The following RYR2 variants were observed in gnomAD, a reference collection of about 807,000 sequenced individuals.
RYR2 encodes ryanodine receptor 2.
In RYR2, 227 loss-of-function variants were observed where a neutral mutation model predicts 601.1. The observed-to-expected ratio is 0.38, with a 90% CI of 0.34 to 0.42. The LOEUF (loss-of-function observed/expected upper bound fraction) is 0.42. RYR2 is among the 10% of genes least tolerant of loss of function. The pLI, the probability that RYR2 is intolerant of heterozygous loss-of-function variation, is 1.00. For synonymous variants in RYR2, 2,223 were observed against 2,175.1 expected, an observed-to-expected ratio of 1.02 and a Z score of -0.61; for missense variants, 4,646 against 6,156.5, an observed-to-expected ratio of 0.75 and a Z score of 8.21.
intron 17 of RYR2, among the ~76,000 whole-genome samples, chr1:237,479,942 A>C (rs1305738835): frequency 2.6e-5 from 4 of 152,162 alleles, no homozygotes; most frequent in Admixed American, 1.3e-4. Context: ...TGAACCTAGG[A>C]ATGAACCTCT....
rs1267822553 is a variant in RYR2, at chr1:237,661,068, G to C, written c.8436+121G>C. ...AAATTCTGAAGAGTCACAAAATTTA[G>C]AAGGGAGAGAAAAAAGCTATATATA... On this transcript the variant is annotated intron_variant, in intron 56 of 104. Transcript: ENST00000366574. The C allele has an allele frequency of 9.4e-6, 9 of 955,072 alleles. No homozygotes were observed. In the East Asian group the frequency reaches 2.6e-4, roughly 28 times the overall value. The allele number at this position is 955,072 out of a possible 1,614,324, so 59.2% of individuals were successfully genotyped here.
In RYR2 at chr1:237,522,032, A is replaced by C. The variant is rs973348844; in HGVS notation, c.2823-8395A>C. Among the ~76,000 whole-genome samples, 3 of 152,040 alleles carry C rather than the reference A, an allele frequency of 2.0e-5. No homozygotes were observed. In the East Asian group the frequency reaches 5.8e-4, roughly 29 times the overall value. ...GTACATGTGTACAACGTGCAGGTTA[A>C]ATATGTATACATGTGCCATGTTGGT... On this transcript the variant is annotated intron_variant, in intron 24 of 104. Coordinates refer to ENST00000366574, the MANE Select transcript of RYR2 (RefSeq NM_001035.3).
At chr1:237,736,993 G>A (rs1425901625) in intron 79 of RYR2, among the ~76,000 whole-genome samples, 1 of 152,078 alleles carries the variant, frequency 6.6e-6, no homozygotes, top group African/African-American at 2.4e-5. Context: ...AGGGAGGTGA[G>A]AAAGAGATTG....
chr1:237,800,662 G>C (rs1489588666), intron 97 of RYR2, among the ~76,000 whole-genome samples: 1 of 152,098 alleles, frequency 6.6e-6, no homozygotes, highest in Non-Finnish European at 1.5e-5. Flanking sequence ...CAATTACTTA[G>C]AGCTGGAATA....
chr1:237,294,121 GA>G (rs1350465632), intron 2 of RYR2, among the ~76,000 whole-genome samples: 17 of 152,296 alleles, frequency 1.1e-4, no homozygotes, highest in Admixed American at 9.8e-4. Flanking sequence ...TAGGGTCAAA[GA>G]CCAAATATCA....
In RYR2 at chr1:237,322,459, AG is replaced by A. The variant is rs1695712722; in HGVS notation, c.169-8417del. ...CAAGGAACTATGGCTGTTGTGGCAAAGGTCATATTCCAGACAATTAAGTTGA... is the reference window on the plus strand; with the variant it reads ...CAAGGAACTATGGCTGTTGTGGCAAAGTCATATTCCAGACAATTAAGTTGA... On this transcript the variant is annotated intron_variant, in intron 2 of 104. Transcript: ENST00000366574. 5.3e-5 allele frequency among the ~76,000 whole-genome samples: 8 copies of A among 152,282 alleles called. No homozygotes were observed. The South Asian group carries it at 1.7e-3, about 32-fold the overall frequency.
At chr1:237,348,997 A>C (rs2149658524) in intron 3 of RYR2, among the ~76,000 whole-genome samples, 1 of 152,322 alleles carries the variant, frequency 6.6e-6, no homozygotes. Flanking sequence ...ATTAAGAATA[A>C]AGGGAAAAAA....
intron 1 of RYR2, among the ~76,000 whole-genome samples, chr1:237,097,028 A>T (rs1365385012): frequency 6.6e-6 from 1 of 152,172 alleles, no homozygotes; most frequent in African/African-American, 2.4e-5. Flanking sequence ...TCAAAACCTT[A>T]CTGAAATTGG....
chr1:237,189,873 ATT>A lies in RYR2; in HGVS notation c.49-80620_49-80619del, dbSNP rs1553336323. Among the ~76,000 whole-genome samples, 92 of 104,196 alleles carry A rather than the reference ATT, an allele frequency of 8.8e-4. 2 individuals carry two copies. In the East Asian group the frequency reaches 0.029, roughly 33 times the overall value. 68.4% of individuals were successfully genotyped at this position (104,196 alleles called of 152,430 possible). A position where few individuals can be genotyped will look rare whatever the true frequency, so the allele number is the denominator to read the frequency against. ...GAAAATTCCATACTGTTTTATTTTT[ATT>A]TTTATTTTTTTTTTTGAGACAGAGT... On this transcript the variant is annotated intron_variant, in intron 1 of 104. Coordinates refer to ENST00000366574, the MANE Select transcript of RYR2 (RefSeq NM_001035.3).
chr1:237,522,094 A>G (rs1465344577), intron 24 of RYR2, among the ~76,000 whole-genome samples: 3 of 152,000 alleles, frequency 2.0e-5, no homozygotes, highest in African/African-American at 4.8e-5. Context: ...AACATTAGCT[A>G]TATCTCCTAA....
intron 1 of RYR2, among the ~76,000 whole-genome samples, chr1:237,266,675 C>A (rs1241915622): frequency 6.6e-6 from 1 of 152,204 alleles, no homozygotes; most frequent in Non-Finnish European, 1.5e-5. Flanking sequence ...AAAATAGAAG[C>A]AGCTCCTGGG....
rs1170501862 is a variant in RYR2 at position 237,500,722 on chromosome 1, C to T, written c.2215C>T (p.Arg739Cys). Residue 739 changes from arginine (R) to cysteine (C), a missense_variant, in exon 21 of 105, where the codon CGT becomes TGT. Arg to Cys is a radical substitution (Grantham distance 180). Transcript: ENST00000366574. ...GLHLWSGCIA[R>C]TVSSPNQHLL... is the part of the protein sequence containing the mutation. The stretch of plus-strand genomic sequence containing the variant: ...TTTCCCCCCAATAGGTTGTATTGCT[C>T]GTACTGTAAGCTCACCAAACCAACA... 7.5e-6 allele frequency: 12 copies of T among 1,607,658 alleles called. No homozygotes were observed. Among genetic ancestry groups the T allele is most frequent in the African/African-American group, 2.7e-5 (2 of 74,782 alleles).
At chr1:237,661,566 A>G (rs888409125) in intron 56 of RYR2, among the ~76,000 whole-genome samples, 6 of 152,224 alleles carry the variant, frequency 3.9e-5, no homozygotes, top group African/African-American at 1.4e-4. Context: ...AAAACAGTAC[A>G]TCATGTTCGT....
chr1:237,560,437 G>C (rs892750876), intron 27 of RYR2, among the ~76,000 whole-genome samples: 1 of 152,162 alleles, frequency 6.6e-6, no homozygotes, highest in Non-Finnish European at 1.5e-5. Flanking sequence ...CATAATGACA[G>C]TTATCTGGGA....
At chr1:237,140,528 G>A (rs1673276632) in intron 1 of RYR2, among the ~76,000 whole-genome samples, 1 of 152,174 alleles carries the variant, frequency 6.6e-6, no homozygotes, top group Non-Finnish European at 1.5e-5. Context: ...TTTACTCACA[G>A]AACTTATTTA....
At chr1:237,437,242 T>C (rs984796228) in intron 12 of RYR2, among the ~76,000 whole-genome samples, 2 of 151,858 alleles carry the variant, frequency 1.3e-5, no homozygotes, top group African/African-American at 4.8e-5. Context: ...TTAGTAGAGA[T>C]GGGGTTTCAC....
Position 237,651,401 on chromosome 1 carries a change from G to C in RYR2, c.7734-10G>C. The C allele has an allele frequency of 6.4e-7, 1 of 1,571,160 alleles. No individual in the cohort carries two copies. Among genetic ancestry groups the C allele is most frequent in the Non-Finnish European group, 8.7e-7 (1 of 1,150,922 alleles). On this transcript the variant is annotated splice_polypyrimidine_tract_variant and intron_variant, in intron 50 of 104. Transcript: ENST00000366574. ...TCTTGGCATTATGAACATTAGCTTT[G>C]TTCCAACAGACAACTGAGACCTTCT...
intron 38 of RYR2, 37 bp from the exon 39 acceptor site, chr1:237,623,728 C>A: frequency 7.3e-7 from 1 of 1,363,242 alleles, no homozygotes; most frequent in Non-Finnish European, 1.0e-6. Flanking sequence ...TTCTTTTCTT[C>A]CTCCTTCTTC....
chr1:237,702,115 A>T (rs1285999555), intron 66 of RYR2, 56 bp downstream of exon 66: 3 of 962,462 alleles, frequency 3.1e-6, no homozygotes, highest in Non-Finnish European at 4.9e-6. Context: ...TTTTATAACT[A>T]TTTATTTCAA....
Sources: allele counts gnomAD v4.1 joint callset (sites outside exome capture counted in the v4.1 genomes callset), GRCh38; gene constraint gnomAD v4.1.1; transcripts MANE v1.5; gene names NCBI Gene and HGNC (gene_info 2026-07-23, HGNC 2026-07-21).